Variants in FARS2 observed in about 807,000 individuals in gnomAD.
FARS2 encodes the protein phenylalanine--tRNA ligase, mitochondrial.
A neutral mutation model predicts 46.4 loss-of-function variants in FARS2; 40 were observed. That is an observed-to-expected ratio of 0.86 (90% CI 0.67 to 1.12). The LOEUF (loss-of-function observed/expected upper bound fraction) is 1.12, where lower values mean the gene tolerates loss of function less well. Ranked by LOEUF, FARS2 falls within the 50% of genes most tolerant of loss-of-function variation. The pLI is 0.00. For synonymous variants in FARS2, 234 were observed against 214.9 expected (o/e 1.09, Z -0.78); for missense variants, 513 against 567.9 (o/e 0.90, Z 0.98).
intron 1 of FARS2, among the ~76,000 whole-genome samples, chr6:5,352,838 T>G (rs1367097555): frequency 6.6e-6 from 1 of 152,144 alleles, no homozygotes; most frequent in Non-Finnish European, 1.5e-5. Flanking sequence ...GATGCCTTGA[T>G]ACATATACAT....
intron 1 of FARS2, among the ~76,000 whole-genome samples, chr6:5,276,380 C>A (rs945869119): frequency 6.6e-6 from 1 of 152,118 alleles, no homozygotes; most frequent in Non-Finnish European, 1.5e-5. Context: ...TAGATAATCA[C>A]ATAATTTATT....
intron 5 of FARS2, among the ~76,000 whole-genome samples, chr6:5,605,054 C>T (rs1774752297): frequency 6.6e-6 from 1 of 152,220 alleles, no homozygotes; most frequent in Non-Finnish European, 1.5e-5. Flanking sequence ...AGAGTCATGT[C>T]GTGGCTGCTT....
chr6:5,763,272 C>T (rs1014617157), intron 6 of FARS2, among the ~76,000 whole-genome samples: 4 of 152,010 alleles, frequency 2.6e-5, no homozygotes, highest in African/African-American at 7.3e-5. Context: ...GGCAACATAG[C>T]GAGACCCTGT....
At chr6:5,263,658 G>T (rs192666529) in intron 1 of FARS2, among the ~76,000 whole-genome samples, 27 of 152,230 alleles carry the variant, frequency 1.8e-4, no homozygotes, top group African/African-American at 6.0e-4. Context: ...AAAACAGGAG[G>T]TACCATTTAG....
intron 3 of FARS2, among the ~76,000 whole-genome samples, chr6:5,420,114 C>T (rs968127761): frequency 1.6e-4 from 25 of 152,142 alleles, no homozygotes; most frequent in African/African-American, 6.0e-4. Context: ...CAGGGAAACT[C>T]CCATTTTTAA....
At chr6:5,429,899 T>A (rs1285631705) in intron 3 of FARS2, among the ~76,000 whole-genome samples, 6 of 150,284 alleles carry the variant, frequency 4.0e-5, no homozygotes, top group Admixed American at 4.0e-4. Context: ...CCCAGTCACC[T>A]GCTAGCTGTG....
At chr6:5,529,407 A>G (rs141627158) in intron 4 of FARS2, among the ~76,000 whole-genome samples, 2,082 of 152,244 alleles carry the variant, frequency 0.014, 50 homozygotes, top group African/African-American at 0.046. Flanking sequence ...TCCTGGGTTC[A>G]ATCGATTCTC....
chr6:5,431,263 T>C (rs1763150107), intron 4 of FARS2, 91 bp downstream of exon 4: 2 of 1,313,834 alleles, frequency 1.5e-6, no homozygotes, highest in Non-Finnish European at 2.2e-6. Context: ...GATATTTACA[T>C]ACTTCTATGC....
chr6:5,346,738 A>G (rs1757254013), intron 1 of FARS2, among the ~76,000 whole-genome samples: 1 of 151,180 alleles, frequency 6.6e-6, no homozygotes, highest in African/African-American at 2.4e-5. Flanking sequence ...CTATCCCTCT[A>G]TCCTCCAACA....
intron 4 of FARS2, among the ~76,000 whole-genome samples, chr6:5,473,309 G>A (rs967245867): frequency 6.6e-6 from 1 of 151,674 alleles, no homozygotes; most frequent in Non-Finnish European, 1.5e-5. Context: ...GGTGGATCAC[G>A]AGGTCAGGAG....
At chr6:5,652,773 C>T (rs1777430051) in intron 6 of FARS2, among the ~76,000 whole-genome samples, 1 of 152,194 alleles carries the variant, frequency 6.6e-6, no homozygotes, top group Non-Finnish European at 1.5e-5. Context: ...GAGCACCTCC[C>T]GCGGCTGTGG....
At chr6:5,754,855 C>T (rs569412785) in intron 6 of FARS2, among the ~76,000 whole-genome samples, 1 of 152,152 alleles carries the variant, frequency 6.6e-6, no homozygotes, top group Admixed American at 6.5e-5. Flanking sequence ...TCTGCAGTTT[C>T]ATTACAATGT....
intron 4 of FARS2, among the ~76,000 whole-genome samples, chr6:5,541,169 C>CA (rs1356690983): frequency 3.3e-5 from 5 of 152,142 alleles, no homozygotes. Context: ...CATTACACCT[C>CA]AAAGTGTGGT....
intron 1 of FARS2, among the ~76,000 whole-genome samples, chr6:5,365,317 CTTTTTT>C (rs61097603): frequency 1.5e-3 from 64 of 42,490 alleles, no homozygotes; most frequent in East Asian, 5.0e-3. Flanking sequence ...AGTATACTTT[CTTTTTT>C]TTTTTTTTTT....
intron 6 of FARS2, among the ~76,000 whole-genome samples, chr6:5,712,891 A>G (rs1335785071): frequency 6.6e-6 from 1 of 152,270 alleles, no homozygotes; most frequent in Non-Finnish European, 1.5e-5. Context: ...TGGAGCTCAC[A>G]CAGTAGACAC....
intron 5 of FARS2, among the ~76,000 whole-genome samples, chr6:5,597,414 G>T (rs1017795997): frequency 7.2e-5 from 11 of 152,114 alleles, no homozygotes; most frequent in Non-Finnish European, 1.2e-4. Flanking sequence ...TTCCCCTCTG[G>T]CCTATGAGCT....
At chr6:5,369,878 G>GT (rs1758936748) in intron 2 of FARS2, among the ~76,000 whole-genome samples, 2 of 128,814 alleles carry the variant, frequency 1.6e-5, no homozygotes, top group Non-Finnish European at 3.3e-5. Flanking sequence ...ATCTTTTTTT[G>GT]TTGTTTTTTT....
chr6:5,448,842 A>C (rs2150258770), intron 4 of FARS2, among the ~76,000 whole-genome samples: 1 of 152,316 alleles, frequency 6.6e-6, no homozygotes, highest in East Asian at 1.9e-4. Context: ...AGTGAGCAAA[A>C]TGGAGGATGG....
intron 5 of FARS2, among the ~76,000 whole-genome samples, chr6:5,568,939 T>C (rs1288323580): frequency 6.6e-6 from 1 of 152,030 alleles, no homozygotes; most frequent in African/African-American, 2.4e-5. Context: ...CATTGAAAGA[T>C]CTTGGATCCT....
Sources: allele counts gnomAD v4.1 joint callset (sites outside exome capture counted in the v4.1 genomes callset), GRCh38; gene constraint gnomAD v4.1.1; transcripts MANE v1.5; gene names NCBI Gene and HGNC (gene_info 2026-07-23, HGNC 2026-07-21).